The following FGGY variants were observed in gnomAD, a reference collection of about 807,000 sequenced individuals.
FGGY encodes the protein FGGY carbohydrate kinase domain-containing protein.
FGGY carries 72 observed loss-of-function variants against 71.3 expected under a neutral mutation model. The observed-to-expected ratio is 1.01, with a 90% CI of 0.84 to 1.23. The LOEUF (loss-of-function observed/expected upper bound fraction) is 1.23, where lower values mean the gene tolerates loss of function less well. Ranked by LOEUF, FGGY falls within the 50% of genes most tolerant of loss-of-function variation. The probability of loss-of-function intolerance (pLI) is 0.00; values close to 1 mark genes in which losing one functional copy is unlikely to be tolerated. For missense variants in FGGY, 668 were observed against 682.3 expected, an observed-to-expected ratio of 0.98 and a Z score of 0.23; for synonymous variants, 251 against 250.3, an observed-to-expected ratio of 1.00 and a Z score of -0.02.
chr1:59,659,726 C>CT (rs1558710607), intron 11 of FGGY, among the ~76,000 whole-genome samples: 1 of 152,092 alleles, frequency 6.6e-6, no homozygotes, highest in Non-Finnish European at 1.5e-5. Context: ...CCCACAGATT[C>CT]TAAGTTATCC....
chr1:59,342,398 T>C (rs1054852305), intron 3 of FGGY, among the ~76,000 whole-genome samples: 3 of 152,204 alleles, frequency 2.0e-5, no homozygotes, highest in African/African-American at 7.2e-5. Flanking sequence ...ATGCTATTTT[T>C]CTTTCATTGT....
At chr1:59,535,158 C>CA (rs1354739692) in intron 7 of FGGY, among the ~76,000 whole-genome samples, 4 of 151,492 alleles carry the variant, frequency 2.6e-5, no homozygotes, top group Non-Finnish European at 5.9e-5. Context: ...AAATGGAAAA[C>CA]AAAAAAAGGC....
chr1:59,624,127 T>A (rs1004472839), intron 9 of FGGY, among the ~76,000 whole-genome samples: 1 of 70 alleles, frequency 0.014, no homozygotes, highest in African/African-American at 0.019. Flanking sequence ...ACTGCATGAG[T>A]TTTTTTTTTT....
chr1:59,589,397 G>A (rs1014475275), intron 8 of FGGY, among the ~76,000 whole-genome samples: 10 of 152,008 alleles, frequency 6.6e-5, no homozygotes, highest in Non-Finnish European at 1.5e-5. Context: ...AAGTTAACAA[G>A]GATACCCAGG....
intron 14 of FGGY, among the ~76,000 whole-genome samples, chr1:59,697,400 G>A (rs2097670484): frequency 6.6e-6 from 1 of 151,948 alleles, no homozygotes; most frequent in African/African-American, 2.4e-5. Flanking sequence ...TTCTGTCTCT[G>A]TGAATTTAAC....
intron 14 of FGGY, among the ~76,000 whole-genome samples, chr1:59,704,571 T>C (rs2097738519): frequency 1.3e-5 from 2 of 152,164 alleles, no homozygotes; most frequent in Non-Finnish European, 2.9e-5. Flanking sequence ...GAGATAACTT[T>C]TTTTATCTAC....
intron 6 of FGGY, among the ~76,000 whole-genome samples, chr1:59,496,736 A>C (rs1265119851): frequency 2.0e-5 from 3 of 152,234 alleles, no homozygotes; most frequent in African/African-American, 7.2e-5. Context: ...TGTGGTTACT[A>C]GATTGATTAA....
chr1:59,480,532 G>A (rs541500897), intron 6 of FGGY, among the ~76,000 whole-genome samples: 5 of 152,290 alleles, frequency 3.3e-5, no homozygotes, highest in Non-Finnish European at 7.4e-5. Context: ...ACCTGCAAGG[G>A]AAGCTGGGGA....
At chr1:59,599,284 A>G (rs2096553491) in intron 8 of FGGY, among the ~76,000 whole-genome samples, 1 of 151,974 alleles carries the variant, frequency 6.6e-6, no homozygotes, top group South Asian at 2.1e-4. Context: ...TTGTATTTTT[A>G]GTAGAGCCAG....
intron 15 of FGGY, among the ~76,000 whole-genome samples, chr1:59,759,993 A>G (rs1270700270): frequency 6.6e-6 from 1 of 152,246 alleles, no homozygotes; most frequent in Non-Finnish European, 1.5e-5. Context: ...CACTATCAAC[A>G]GAGTAAAAAG....
At chr1:59,655,923 T>C (rs1013662485) in intron 11 of FGGY, among the ~76,000 whole-genome samples, 1 of 152,194 alleles carries the variant, frequency 6.6e-6, no homozygotes, top group African/African-American at 2.4e-5. Flanking sequence ...CCAGGTGCCT[T>C]CCTCTAAAGC....
intron 7 of FGGY, among the ~76,000 whole-genome samples, chr1:59,536,523 C>CA (rs2095319195): frequency 2.6e-5 from 4 of 152,060 alleles, no homozygotes. Context: ...AGAGACACAA[C>CA]CAAAAAAGAG....
chr1:59,717,529 T>G (rs1220955611), intron 14 of FGGY, among the ~76,000 whole-genome samples: 3 of 151,986 alleles, frequency 2.0e-5, no homozygotes, highest in Admixed American at 2.0e-4. Flanking sequence ...AACCCAGAAG[T>G]GTGATATTCG....
At chr1:59,679,654 T>C (rs1244623444) in intron 14 of FGGY, among the ~76,000 whole-genome samples, 1 of 152,144 alleles carries the variant, frequency 6.6e-6, no homozygotes, top group Non-Finnish European at 1.5e-5. Flanking sequence ...TGGTTTCTAT[T>C]CTCTTAGTCT....
At chr1:59,724,040 G>A (rs1187169801) in intron 14 of FGGY, among the ~76,000 whole-genome samples, 1 of 152,086 alleles carries the variant, frequency 6.6e-6, no homozygotes, top group African/African-American at 2.4e-5. Context: ...GCAGGGGCCT[G>A]TAATCCCAGC....
rs575161493 is a variant in FGGY at position 59,461,464 on chromosome 1, C to A, written c.670+4388C>A. On this transcript the variant is annotated intron_variant, in intron 6 of 15. Coordinates refer to ENST00000303721, the MANE Select transcript of FGGY (RefSeq NM_018291.5). ...ATTTGATTGGTGTACCTGAAAGTGA[C>A]GGGAAGAATGGAAACAAGCTGGAAA... Among the ~76,000 whole-genome samples the A allele has an allele frequency of 4.6e-5, 7 of 152,246 alleles. No homozygotes were observed. The South Asian group carries it at 1.2e-3, about 27-fold the overall frequency.
Position 59,650,704 on chromosome 1 carries a change from C to T in FGGY, c.1222-9515C>T, listed in dbSNP as rs1249345042. On this transcript the variant is annotated intron_variant, in intron 11 of 15. Transcript: ENST00000303721. Reference sequence around the variant, plus strand: ...TGTTGATCTTTTCAAAAAACCAGCTCCTGGATTCACTGATTTTTTGAAGGG... The same window carrying T: ...TGTTGATCTTTTCAAAAAACCAGCTTCTGGATTCACTGATTTTTTGAAGGG... Among the ~76,000 whole-genome samples, 42 of 127,728 alleles carry T rather than the reference C, an allele frequency of 3.3e-4. 1 individual carries two copies. Among genetic ancestry groups the T allele is most frequent in the Middle Eastern group, 3.5e-3 (1 of 282 alleles). 83.8% of individuals were successfully genotyped at this position (127,728 alleles called of 152,430 possible).
chr1:59,297,705 C>T (rs536683170), intron 1 of FGGY, among the ~76,000 whole-genome samples: 5 of 152,112 alleles, frequency 3.3e-5, no homozygotes, highest in Non-Finnish European at 2.9e-5. Flanking sequence ...CGCCTGCAGT[C>T]CCAGCTTCTC....
chr1:59,464,323 C>G (rs993925337), intron 6 of FGGY, among the ~76,000 whole-genome samples: 1 of 152,140 alleles, frequency 6.6e-6, no homozygotes, highest in African/African-American at 2.4e-5. Context: ...CCAATGAGAA[C>G]AAAGACACAA....
Sources: gnomAD v4.1 joint callset for allele counts (sites outside exome capture counted in the v4.1 genomes callset) on GRCh38, gnomAD v4.1.1 for gene constraint, MANE v1.5 for transcripts, NCBI Gene and HGNC (gene_info 2026-07-23, HGNC 2026-07-21) for gene names.